The following ROBO2 variants were observed in gnomAD, a reference collection of about 807,000 sequenced individuals.
ROBO2 encodes the protein roundabout homolog 2.
Under a neutral mutation model 160.8 loss-of-function variants are expected in ROBO2, and 53 were observed. That is an observed-to-expected ratio of 0.33 (90% CI 0.26 to 0.41). The LOEUF (loss-of-function observed/expected upper bound fraction) is 0.41, where lower values mean the gene tolerates loss of function less well. Among genes scored for constraint, ROBO2 ranks in the 10% least tolerant of loss-of-function variants. The pLI is 1.00. For synonymous variants in ROBO2, 664 were observed against 611.7 expected (o/e 1.09, Z -1.26); for missense variants, 1,577 against 1,722.4 (o/e 0.92, Z 1.49).
intron 20 of ROBO2, among the ~76,000 whole-genome samples, 173 bp downstream of exon 21, chr3:77,602,664 A>G (rs1246429038): frequency 1.2e-4 from 15 of 129,798 alleles, no homozygotes; most frequent in Non-Finnish European, 2.5e-4. Flanking sequence ...CACCACCGCC[A>G]CCACCACCAC....
At chr3:76,364,124 T>C (rs1228915643) in intron 2 of ROBO2, among the ~76,000 whole-genome samples, 1 of 152,102 alleles carries the variant, frequency 6.6e-6, no homozygotes, top group Non-Finnish European at 1.5e-5. Context: ...GCTTTCTTCA[T>C]GCCTGAAGAC....
At chr3:77,396,929 A>G (rs2153506515) in intron 2 of ROBO2, among the ~76,000 whole-genome samples, 1 of 152,234 alleles carries the variant, frequency 6.6e-6, no homozygotes, top group African/African-American at 2.4e-5. Context: ...TGAGGTCCAT[A>G]GTAAAAGCGA....
intron 2 of ROBO2, among the ~76,000 whole-genome samples, chr3:76,227,766 A>G (rs975930163): frequency 3.3e-5 from 5 of 151,952 alleles, no homozygotes; most frequent in Admixed American, 3.3e-4. Flanking sequence ...CACCTACCCC[A>G]CCCTAGACTT....
At chr3:76,605,300 G>A (rs922184410) in intron 2 of ROBO2, among the ~76,000 whole-genome samples, 7 of 151,922 alleles carry the variant, frequency 4.6e-5, no homozygotes, top group Admixed American at 2.6e-4. Context: ...TGTAGATTAA[G>A]TTAAATTCTT....
At chr3:76,491,822 C>T (rs963211664) in intron 2 of ROBO2, among the ~76,000 whole-genome samples, 2 of 152,068 alleles carry the variant, frequency 1.3e-5, no homozygotes, top group Admixed American at 6.6e-5. Flanking sequence ...AAGCCAGGTG[C>T]GGTGGCCCAC....
intron 2 of ROBO2, among the ~76,000 whole-genome samples, chr3:76,004,659 T>A (rs965020653): frequency 2.0e-5 from 3 of 152,182 alleles, no homozygotes; most frequent in Non-Finnish European, 4.4e-5. Context: ...TGATTAAGTC[T>A]CTGTTCTTAT....
intron 2 of ROBO2, among the ~76,000 whole-genome samples, chr3:76,938,790 A>G (rs892705839): frequency 6.6e-6 from 1 of 151,928 alleles, no homozygotes; most frequent in African/African-American, 2.4e-5. Context: ...ACCAACATGG[A>G]GAAACCCCGT....
At chr3:75,952,600 A>G (rs1948587394) in intron 2 of ROBO2, among the ~76,000 whole-genome samples, 1 of 151,906 alleles carries the variant, frequency 6.6e-6, no homozygotes, top group Non-Finnish European at 1.5e-5. Flanking sequence ...AGTGTGGTAC[A>G]TTTGTTATAG....
intron 2 of ROBO2, among the ~76,000 whole-genome samples, chr3:76,287,600 C>G (rs1030968392): frequency 6.6e-6 from 1 of 152,128 alleles, no homozygotes; most frequent in Non-Finnish European, 1.5e-5. Flanking sequence ...GTGCCCGGCC[C>G]TTTTCTTAAG....
At chr3:76,185,094 C>T (rs180737642) in intron 2 of ROBO2, among the ~76,000 whole-genome samples, 1 of 150,776 alleles carries the variant, frequency 6.6e-6, no homozygotes, top group Admixed American at 6.6e-5. Context: ...AGTAAATCAT[C>T]ACAGGTATGG....
At chr3:76,366,696 T>A (rs2075827919) in intron 2 of ROBO2, among the ~76,000 whole-genome samples, 1 of 151,968 alleles carries the variant, frequency 6.6e-6, no homozygotes, top group East Asian at 1.9e-4. Flanking sequence ...TTATGAAAAG[T>A]TTCTGTTTTC....
At chr3:76,145,518 T>C (rs2071851504) in intron 2 of ROBO2, among the ~76,000 whole-genome samples, 1 of 151,996 alleles carries the variant, frequency 6.6e-6, no homozygotes, top group African/African-American at 2.4e-5. Context: ...CTACCTTTTA[T>C]ACAAAAATAC....
At chr3:77,518,431 G>A (rs1469188277) in intron 5 of ROBO2, among the ~76,000 whole-genome samples, 1 of 151,470 alleles carries the variant, frequency 6.6e-6, no homozygotes, top group Admixed American at 6.6e-5. Context: ...AAGATTGTGA[G>A]CATTTCAATA....
At chr3:76,560,725 C>A (rs1162368943) in intron 2 of ROBO2, among the ~76,000 whole-genome samples, 1 of 150,542 alleles carries the variant, frequency 6.6e-6, no homozygotes, top group Non-Finnish European at 1.5e-5. Context: ...TATTCTAAGG[C>A]TTTTCTTCAA....
At chr3:76,653,897 A>G (rs1333848185) in intron 2 of ROBO2, among the ~76,000 whole-genome samples, 5 of 152,158 alleles carry the variant, frequency 3.3e-5, no homozygotes, top group Non-Finnish European at 7.4e-5. Flanking sequence ...AAAAGTGGAT[A>G]TCATCTGGAT....
intron 2 of ROBO2, among the ~76,000 whole-genome samples, chr3:76,030,138 G>A (rs969488202): frequency 7.2e-5 from 11 of 152,136 alleles, no homozygotes; most frequent in Admixed American, 5.2e-4. Flanking sequence ...ATTTTTTCAT[G>A]TGTCTGTTGG....
chr3:77,022,600 T>G (rs1425514430), intron 2 of ROBO2, among the ~76,000 whole-genome samples: 2 of 152,086 alleles, frequency 1.3e-5, no homozygotes, highest in African/African-American at 4.8e-5. Context: ...GGTCTTTGAG[T>G]CTTTATTTTG....
chr3:77,332,398 C>G (rs1333939013), intron 2 of ROBO2, among the ~76,000 whole-genome samples: 1 of 152,084 alleles, frequency 6.6e-6, no homozygotes, highest in African/African-American at 2.4e-5. Context: ...TCTGTAGGTA[C>G]ATTTTACAGA....
At chr3:76,466,082 T>G (rs1158665353) in intron 2 of ROBO2, among the ~76,000 whole-genome samples, 1 of 151,648 alleles carries the variant, frequency 6.6e-6, no homozygotes, top group African/African-American at 2.4e-5. Flanking sequence ...GTATAAAATG[T>G]ACATAATTTT....
Sources: allele counts gnomAD v4.1 joint callset (sites outside exome capture counted in the v4.1 genomes callset), GRCh38; gene constraint gnomAD v4.1.1; transcripts MANE v1.5; gene names NCBI Gene and HGNC (gene_info 2026-07-23, HGNC 2026-07-21).